Variants in MIAT observed in about 807,000 individuals in gnomAD.
MIAT encodes the protein myocardial infarction associated transcript.
Position 26,667,896 on chromosome 22 carries a change from C to T in MIAT, n.2263-262C>T, listed in dbSNP as rs1428987026. 7 of 294,380 alleles carry T rather than the reference C, an allele frequency of 2.4e-5. No homozygotes were observed. In the East Asian group the frequency reaches 4.0e-4, roughly 17 times the overall value. The allele number at this position is 294,380 out of a possible 1,614,324, so 18.2% of individuals were successfully genotyped here. On this transcript the variant is annotated intron_variant and non_coding_transcript_variant, in intron 5 of 5. Coordinates refer to ENST00000643270, the Ensembl canonical transcript of MIAT. ...ATGTTGCCCAGGCTGGTCTCGAACT[C>T]CTGGGCTCAAGTGATCCTCCTTCCT...
chr22:26,663,595 G>C, intron 3 of MIAT: 1 of 385,840 alleles, frequency 2.6e-6, no homozygotes, highest in Non-Finnish European at 4.6e-6. Flanking sequence ...TGGGTGGTCT[G>C]TGTGGCCTAG....
At chr22:26,669,850 G>A (rs865906287), downstream of MIAT, 2 of 398,846 alleles carry the variant, frequency 5.0e-6, no homozygotes, top group Middle Eastern at 6.3e-4. Flanking sequence ...TGGGAGAGCC[G>A]TGTCCTGAGA....
At chr22:26,672,405 C>T (rs1374927976), downstream of MIAT, 3 of 399,308 alleles carry the variant, frequency 7.5e-6, no homozygotes, top group African/African-American at 4.1e-5. Flanking sequence ...TAACAAGACT[C>T]AGAGGAGGAA....
rs1223569488 is a variant in MIAT at position 26,661,937 on chromosome 22, T to TAGATCC, written n.647-1378_647-1377insGATCCA. On this transcript the variant is annotated intron_variant and non_coding_transcript_variant, in intron 2 of 5. Coordinates refer to ENST00000643270, the Ensembl canonical transcript of MIAT. ...AGATCCATATATATATATATATATA[T>TAGATCC]ATATATATATATATATATATATATA... Among the ~76,000 whole-genome samples, 52 of 38,120 alleles carry TAGATCC rather than the reference T, an allele frequency of 1.4e-3. 4 individuals are homozygous for TAGATCC. The highest frequency in any genetic ancestry group is 0.011 in the Admixed American group (39 of 3,674). 25.0% of individuals were successfully genotyped at this position (38,120 alleles called of 152,430 possible). A position where few individuals can be genotyped will look rare whatever the true frequency, so the allele number is the denominator to read the frequency against.
At chr22:26,667,205 C>T in exon 5 of MIAT, 1 of 398,664 alleles carries the variant, frequency 2.5e-6, no homozygotes, top group Non-Finnish European at 4.4e-6. Flanking sequence ...GACCAAGCAA[C>T]TTCTCTGAGC....
downstream of MIAT, chr22:26,670,698 T>C (rs1931015031): frequency 2.5e-6 from 1 of 396,870 alleles, no homozygotes; most frequent in African/African-American, 2.1e-5. Context: ...AAAATGCTAA[T>C]GGCAATTTCA....
exon 4 of MIAT, chr22:26,666,544 G>C: frequency 5.0e-6 from 2 of 398,640 alleles, no homozygotes; most frequent in Non-Finnish European, 8.8e-6. Context: ...CAGAATTCTG[G>C]ATTCCTGACT....
chr22:26,657,366 T>A (rs1930497095), intron 2 of MIAT: 1 of 379,042 alleles, frequency 2.6e-6, no homozygotes, highest in East Asian at 3.7e-5. Context: ...TAAGGAGGGG[T>A]TGGGTGTGAG....
chr22:26,668,849 A>G lies in MIAT; in HGVS notation n.2954A>G, dbSNP rs1930948456. On this transcript the variant is annotated non_coding_transcript_exon_variant, in exon 6 of 6. Coordinates refer to ENST00000643270, the Ensembl canonical transcript of MIAT. ...TGGAGCCTTCCCCCTGTGCTGTTGA[A>G]CTCTGGGAGGGGCAGCCAGAGGGGC... 1.3e-5 allele frequency: 5 copies of G among 398,448 alleles called. No individual in the cohort carries two copies. In the Admixed American group the frequency reaches 1.3e-4, roughly 11 times the overall value. The allele number at this position is 398,448 out of a possible 1,614,324, so 24.7% of individuals were successfully genotyped here. A position where few individuals can be genotyped will look rare whatever the true frequency, so the allele number is the denominator to read the frequency against.
chr22:26,667,677 C>CT (rs1163664374), intron 5 of MIAT: 8 of 181,306 alleles, frequency 4.4e-5, no homozygotes, highest in Non-Finnish European at 9.1e-5. Context: ...TTTTAGACAA[C>CT]TTTTTTTTCC....
At chr22:26,648,099 G>A (rs780799809) in intron 2 of MIAT, among the ~76,000 whole-genome samples, 4 of 152,122 alleles carry the variant, frequency 2.6e-5, no homozygotes, top group South Asian at 2.1e-4. Flanking sequence ...GAAGGCAGCC[G>A]CTGTGCTGGC....
chr22:26,664,005 CTTTT>C (rs202155948), intron 3 of MIAT, among the ~76,000 whole-genome samples: 2,088 of 115,734 alleles, frequency 0.018, 22 homozygotes, highest in African/African-American at 0.075. Context: ...CTGTGTTCAG[CTTTT>C]TTTTTTTTTT....
chr22:26,672,884 A>G (rs1569225209), downstream of MIAT: 3 of 398,422 alleles, frequency 7.5e-6, no homozygotes, highest in Admixed American at 1.3e-4. Context: ...AAAGAGGGAC[A>G]TTTCTGACAC....
chr22:26,674,407 G>C, downstream of MIAT: 1 of 398,866 alleles, frequency 2.5e-6, no homozygotes, highest in Admixed American at 4.4e-5. Flanking sequence ...CAGTCTGGTA[G>C]TCAGAGTCTG....
At chr22:26,672,727 C>A, downstream of MIAT, 2 of 399,030 alleles carry the variant, frequency 5.0e-6, no homozygotes, top group Non-Finnish European at 8.8e-6. Context: ...AGCAGAGGGG[C>A]GTGTCCCACA....
chr22:26,659,610 GGAGGATGGCTT>G (rs1930584073), intron 2 of MIAT, among the ~76,000 whole-genome samples: 1 of 151,868 alleles, frequency 6.6e-6, no homozygotes, highest in Admixed American at 6.6e-5. Context: ...GGCTGGGGCG[GGAGGATGGCTT>G]GAACCCAGGA....
At chr22:26,663,389 G>T (rs1930737776) in exon 3 of MIAT, 1 of 398,504 alleles carries the variant, frequency 2.5e-6, no homozygotes, top group African/African-American at 2.1e-5. Flanking sequence ...GCATCACAGG[G>T]GTAACCAAGG....
At chr22:26,648,616 CATTT>C (rs2145996459) in intron 2 of MIAT, among the ~76,000 whole-genome samples, 1 of 148,678 alleles carries the variant, frequency 6.7e-6, no homozygotes, top group South Asian at 2.2e-4. Context: ...GTAGAGGATA[CATTT>C]TCAGGTCCTG....
downstream of MIAT, chr22:26,673,094 A>T (rs1236654014): frequency 2.5e-6 from 1 of 398,538 alleles, no homozygotes. Flanking sequence ...TGGGGAGGGG[A>T]AGCAGCTTTA....
Sources: allele counts gnomAD v4.1 joint callset (sites outside exome capture counted in the v4.1 genomes callset), GRCh38; gene constraint gnomAD v4.1.1; transcripts MANE v1.5; gene names NCBI Gene and HGNC (gene_info 2026-07-23, HGNC 2026-07-21).